Variants in UBE2S observed in about 807,000 individuals in gnomAD.
The protein encoded by UBE2S is ubiquitin conjugating enzyme E2 S, also known as ubiquitin-conjugating enzyme E2 S.
UBE2S carries 3 observed loss-of-function variants against 12.3 expected under a neutral mutation model. That is an observed-to-expected ratio of 0.24 (90% CI 0.11 to 0.63). The LOEUF (loss-of-function observed/expected upper bound fraction) is 0.63. UBE2S is among the 30% of genes least tolerant of loss of function. The pLI is 0.85. For missense variants in UBE2S, 211 were observed against 313.9 expected (o/e 0.67, Z 2.48); for synonymous variants, 133 against 142.0 (o/e 0.94, Z 0.45).
chr19:55,400,288 A>G lies in UBE2S; in HGVS notation c.*1148T>C, dbSNP rs1220071923. 6.6e-6 allele frequency: 1 copy of G among 152,194 alleles called. No individual in the cohort carries two copies. The highest frequency in any genetic ancestry group is 1.5e-5 in the Non-Finnish European group (1 of 68,032). The allele number at this position is 152,194 out of a possible 1,614,324, so 9.4% of individuals were successfully genotyped here. ...GATCCTTTCACCTCCTAAAGTTGGG[A>G]TTACAGGCGTGAGCCATTGCGCCTG... On this transcript the variant is annotated 3_prime_UTR_variant, in exon 4 of 4. Transcript: ENST00000264552.
At chr19:55,405,074 G>GT (rs1380111887) in intron 2 of UBE2S, among the ~76,000 whole-genome samples, 1 of 151,820 alleles carries the variant, frequency 6.6e-6, no homozygotes, top group African/African-American at 2.4e-5. Flanking sequence ...GCCAGGCGTG[G>GT]TGGTGCATGC....
chr19:55,403,746 T>C (rs1192539399), intron 3 of UBE2S, among the ~76,000 whole-genome samples: 1 of 148,446 alleles, frequency 6.7e-6, no homozygotes, highest in Non-Finnish European at 1.5e-5. Flanking sequence ...TATCTTATTT[T>C]TTTTTTTTTT....
intron 2 of UBE2S, among the ~76,000 whole-genome samples, chr19:55,405,153 T>C (rs1171949900): frequency 2.8e-5 from 4 of 144,808 alleles, no homozygotes; most frequent in South Asian, 2.2e-4. Context: ...GAGGTTGCAG[T>C]GTGCGGAGAT....
In UBE2S at chr19:55,406,801, C is replaced by T. The variant is rs755371847; in HGVS notation, c.151+14G>A. On this transcript the variant is annotated intron_variant, in intron 2 of 3. Transcript: ENST00000264552. ...CTAAGCAGCAGCCCCTTCTCTTTTT[C>T]CTTCCAAACTCACCAGGGCCCTCGA... The T allele has an allele frequency of 1.2e-6, 2 of 1,604,468 alleles. No individual in the cohort carries two copies. Among genetic ancestry groups the T allele is most frequent in the South Asian group, 2.2e-5 (2 of 90,284 alleles).
In UBE2S at chr19:55,401,519, C is replaced by T. The variant is rs1437182817; in HGVS notation, c.586G>A (p.Ala196Thr). 1 of 1,610,290 alleles carries T rather than the reference C, an allele frequency of 6.2e-7. No individual in the cohort carries two copies. Among genetic ancestry groups the T allele is most frequent in the Non-Finnish European group, 8.5e-7 (1 of 1,179,688 alleles). ...TCGCGCTCGCCAGCATGCTTCTTGG[C>T]CATGGGACCCTCAGCCCCTCCCGGG... is the stretch of plus-strand genomic sequence containing the variant. Reference protein sequence around the residue: ...GGPGGAEGPMAKKHAGERDKK... With the variant: ...GGPGGAEGPMTKKHAGERDKK... The change falls in exon 4 of 4, where the codon GCC becomes ACC. Residue 196 changes from alanine to threonine, a missense_variant. Ala to Thr is a moderately conservative substitution (Grantham distance 58). Around this residue, in one of 2 missense-constraint regions of UBE2S, gnomAD observed 84 missense variants for 89.9 expected, o/e 0.93. Coordinates refer to ENST00000264552, the MANE Select transcript of UBE2S (RefSeq NM_014501.3).
chr19:55,404,612 ATTCTTTTT>A lies in UBE2S; in HGVS notation c.152-142_152-135del, dbSNP rs1213841757. ...GCCAACTCTGCCAACAGACTGGAGG[ATTCTTTTT>A]TTCTTTTTTTGAAATAAGGTCTCTT... is the stretch of plus-strand genomic sequence containing the variant. On this transcript the variant is annotated intron_variant, in intron 2 of 3. Transcript: ENST00000264552. The surrounding 1 kb of genome is among the most constrained non-coding windows in gnomAD (Gnocchi z 4.4). 5 of 789,944 alleles carry A rather than the reference ATTCTTTTT, an allele frequency of 6.3e-6. No homozygotes were observed. In the Admixed American group the frequency reaches 1.6e-4, roughly 25 times the overall value. 48.9% of individuals were successfully genotyped at this position (789,944 alleles called of 1,614,324 possible). A position where few individuals can be genotyped will look rare whatever the true frequency, so the allele number is the denominator to read the frequency against.
At chr19:55,401,918 T>TC (rs11393810) in intron 3 of UBE2S, among the ~76,000 whole-genome samples, 156 bp from the exon 4 acceptor site, 152,328 of 152,330 alleles carry the variant, frequency 1, 76,163 homozygotes, top group Middle Eastern at 1. Context: ...TCATCTTTGC[T>TC]CCTGTCTCCC....
At chr19:55,405,039 C>T (rs1239411618) in intron 2 of UBE2S, among the ~76,000 whole-genome samples, 2 of 151,116 alleles carry the variant, frequency 1.3e-5, no homozygotes, top group Non-Finnish European at 2.9e-5. Flanking sequence ...GGAGAAACCC[C>T]GTCTCTACTA....
rs528474283 is a variant in UBE2S at position 55,401,018 on chromosome 19, G to A, written c.*418C>T. Reference sequence around the variant, plus strand: ...TCTAGAGGGAGAAGTATAGGGCAGTGCCGCTCAGGCCACCAGGAGCAGCTC... The same window carrying A: ...TCTAGAGGGAGAAGTATAGGGCAGTACCGCTCAGGCCACCAGGAGCAGCTC... On this transcript the variant is annotated 3_prime_UTR_variant, in exon 4 of 4. Transcript: ENST00000264552. 19 of 211,162 alleles carry A rather than the reference G, an allele frequency of 9.0e-5. No individual in the cohort carries two copies. The highest frequency in any genetic ancestry group is 4.2e-4 in the Admixed American group (8 of 19,148). 13.1% of individuals were successfully genotyped at this position (211,162 alleles called of 1,614,324 possible). A position where few individuals can be genotyped will look rare whatever the true frequency, so the allele number is the denominator to read the frequency against.
At position 55,401,249 on chromosome 19, in the gene UBE2S, C is replaced by T. The variant is rs976740441; in HGVS notation, c.*187G>A. Reference sequence around the variant, plus strand: ...ACTCCCAGAGCCACATGGCACCATGCAGCGGTCCTGGGGCATCTGTGAGAC... The same window carrying T: ...ACTCCCAGAGCCACATGGCACCATGTAGCGGTCCTGGGGCATCTGTGAGAC... On this transcript the variant is annotated 3_prime_UTR_variant, in exon 4 of 4. Transcript: ENST00000264552. The T allele has an allele frequency of 1.9e-5, 13 of 698,020 alleles. No homozygotes were observed. The African/African-American group carries it at 2.2e-4, about 12-fold the overall frequency. The allele number at this position is 698,020 out of a possible 1,614,324, so 43.2% of individuals were successfully genotyped here.
intron 3 of UBE2S, among the ~76,000 whole-genome samples, chr19:55,403,739 C>CT (rs1569049146): frequency 9.5e-6 from 1 of 105,578 alleles, no homozygotes; most frequent in Admixed American, 9.5e-5. Flanking sequence ...TATTTTTTAT[C>CT]TTATTTTTTT....
At chr19:55,405,626 G>A (rs1021991020) in intron 2 of UBE2S, among the ~76,000 whole-genome samples, 3 of 152,012 alleles carry the variant, frequency 2.0e-5, no homozygotes, top group Non-Finnish European at 2.9e-5. Flanking sequence ...TATCAAGCTC[G>A]TCTGCACCCT....
Position 55,401,324 on chromosome 19 carries a change from G to T in UBE2S, c.*112C>A. 2 of 951,778 alleles carry T rather than the reference G, an allele frequency of 2.1e-6. No individual in the cohort carries two copies. The highest frequency in any genetic ancestry group is 3.1e-6 in the Non-Finnish European group (2 of 652,518). 59.0% of individuals were successfully genotyped at this position (951,778 alleles called of 1,614,324 possible). ...TTTAGAAAAACAAATCCAGGTCCCAGTGCCCCCTGTACCCTCCCCGACCCC... is the reference window on the plus strand; with the variant it reads ...TTTAGAAAAACAAATCCAGGTCCCATTGCCCCCTGTACCCTCCCCGACCCC... On this transcript the variant is annotated 3_prime_UTR_variant, in exon 4 of 4. Coordinates refer to ENST00000264552, the MANE Select transcript of UBE2S (RefSeq NM_014501.3).
In UBE2S at chr19:55,401,078, C is replaced by T. The variant is rs2090053566; in HGVS notation, c.*358G>A. On this transcript the variant is annotated 3_prime_UTR_variant, in exon 4 of 4. Transcript: ENST00000264552. ...GCCCCATTTTAGATTGGAAATCTGACTCCAAAGAGGGGTTGTGACCGCTCT... is the reference window on the plus strand; with the variant it reads ...GCCCCATTTTAGATTGGAAATCTGATTCCAAAGAGGGGTTGTGACCGCTCT... 2 of 274,678 alleles carry T rather than the reference C, an allele frequency of 7.3e-6. No individual in the cohort carries two copies. The highest frequency in any genetic ancestry group is 1.4e-5 in the Non-Finnish European group (2 of 144,374). The allele number at this position is 274,678 out of a possible 1,614,324, so 17.0% of individuals were successfully genotyped here.
chr19:55,404,015 T>C lies in UBE2S; in HGVS notation c.342+273A>G, dbSNP rs970733537. On this transcript the variant is annotated intron_variant, in intron 3 of 3. Coordinates refer to ENST00000264552, the MANE Select transcript of UBE2S (RefSeq NM_014501.3). The surrounding 1 kb of genome is among the most constrained non-coding windows in gnomAD (Gnocchi z 4.4). ...CCTGGCCTACCCTATCCTTGTTTTT[T>C]AAAAAAAAGGGAGAAGAGAAAAACC... 35 of 404,896 alleles carry C rather than the reference T, an allele frequency of 8.6e-5. No individual in the cohort carries two copies. Among genetic ancestry groups the C allele is most frequent in the Non-Finnish European group, 1.3e-4 (30 of 222,922 alleles). 25.1% of individuals were successfully genotyped at this position (404,896 alleles called of 1,614,324 possible).
In UBE2S at chr19:55,407,090, A is replaced by G. The variant is rs2090100775; in HGVS notation, c.4-128T>C. ...GGCTGTCAATCACCCTTGAACTCCC[A>G]GACCCTCACCCAGGATGCTTCAGGC... On this transcript the variant is annotated intron_variant, in intron 1 of 3. Transcript: ENST00000264552. The G allele has an allele frequency of 1.1e-5, 13 of 1,184,950 alleles. No homozygotes were observed. In the South Asian group the frequency reaches 1.7e-4, roughly 15 times the overall value. The allele number at this position is 1,184,950 out of a possible 1,614,324, so 73.4% of individuals were successfully genotyped here. A position where few individuals can be genotyped will look rare whatever the true frequency, so the allele number is the denominator to read the frequency against.
At chr19:55,407,476 C>T in intron 1 of UBE2S, 111 bp downstream of exon 1, 2 of 1,230,338 alleles carry the variant, frequency 1.6e-6, no homozygotes, top group Non-Finnish European at 1.1e-6. Flanking sequence ...CAGGGACCCC[C>T]AGGCTGGCCC....
intron 3 of UBE2S, among the ~76,000 whole-genome samples, chr19:55,403,565 C>G (rs898226046): frequency 7.9e-5 from 12 of 152,100 alleles, no homozygotes; most frequent in African/African-American, 2.7e-4. Context: ...GAAAGAGCTT[C>G]TAACTAGACC....
rs71181761 is a variant in UBE2S, at chr19:55,405,211, C to CAAAAA, written c.152-738_152-734dup. 4.4e-3 allele frequency among the ~76,000 whole-genome samples: 417 copies of CAAAAA among 95,156 alleles called. 11 individuals are homozygous for CAAAAA. The highest frequency in any genetic ancestry group is 5.7e-3 in the Non-Finnish European group (292 of 51,060). 62.4% of individuals were successfully genotyped at this position (95,156 alleles called of 152,430 possible). A position where few individuals can be genotyped will look rare whatever the true frequency, so the allele number is the denominator to read the frequency against. On this transcript the variant is annotated intron_variant, in intron 2 of 3. Transcript: ENST00000264552. ...GGCAACAAGAGCGAAACTCTGTTTC[C>CAAAAA]AAAAAAAAAAAAAAAAAGCCAAGCG...
Sources: gnomAD v4.1 joint callset for allele counts (sites outside exome capture counted in the v4.1 genomes callset) on GRCh38, gnomAD v4.1.1 for gene constraint, gnomAD v4.1.1 regional missense constraint, Gnocchi (gnomAD v3.1) non-coding constraint, MANE v1.5 for transcripts, NCBI Gene and HGNC (gene_info 2026-07-23, HGNC 2026-07-21) for gene names.